ASTN2: variants seen among roughly 807,000 people sequenced by gnomAD.
ASTN2 encodes the protein astrotactin-2.
ASTN2 carries 54 observed loss-of-function variants against 139.8 expected under a neutral mutation model. The observed-to-expected ratio is 0.39, with a 90% CI of 0.31 to 0.48. ASTN2 has a LOEUF of 0.48. ASTN2 is among the 20% of genes least tolerant of loss of function. The pLI is 0.95. For synonymous variants in ASTN2, 756 were observed against 719.5 expected (o/e 1.05, Z -0.81); for missense variants, 1,565 against 1,725.1 (o/e 0.91, Z 1.64).
chr9:117,217,566 G>T (rs1832367532), intron 2 of ASTN2, among the ~76,000 whole-genome samples: 2 of 152,122 alleles, frequency 1.3e-5, no homozygotes, highest in South Asian at 4.1e-4. Flanking sequence ...ATTTTATCCA[G>T]GTTCTACTGC....
intron 10 of ASTN2, among the ~76,000 whole-genome samples, chr9:116,894,899 T>A (rs1435512355): frequency 6.6e-6 from 1 of 152,200 alleles, no homozygotes; most frequent in Non-Finnish European, 1.5e-5. Flanking sequence ...CCACAATAGA[T>A]ACTATGATGT....
intron 10 of ASTN2, among the ~76,000 whole-genome samples, chr9:116,877,739 C>CA (rs1454943847): frequency 1.3e-5 from 2 of 152,118 alleles, no homozygotes; most frequent in African/African-American, 2.4e-5. Context: ...TTCCCACCCC[C>CA]ACCATGCACA....
At chr9:116,664,967 T>G (rs980359273) in intron 16 of ASTN2, among the ~76,000 whole-genome samples, 2 of 152,260 alleles carry the variant, frequency 1.3e-5, no homozygotes, top group Middle Eastern at 3.4e-3. Context: ...CCCTCATCAA[T>G]GGCTTGGTGC....
intron 1 of ASTN2, among the ~76,000 whole-genome samples, chr9:117,308,980 G>C (rs888016243): frequency 2.6e-5 from 4 of 152,146 alleles, no homozygotes; most frequent in African/African-American, 9.7e-5. Context: ...CCTTCCATAA[G>C]TCAGCTTTTA....
chr9:117,157,052 G>A (rs560664301), intron 3 of ASTN2, among the ~76,000 whole-genome samples: 38 of 152,044 alleles, frequency 2.5e-4, no homozygotes, highest in South Asian at 4.1e-4. Context: ...GATCTGATTC[G>A]TTATCTAGCT....
chr9:116,440,837 A>C, intron 21 of ASTN2, 45 bp from the exon 22 acceptor site: 2 of 1,576,440 alleles, frequency 1.3e-6, no homozygotes, highest in Non-Finnish European at 1.7e-6. Flanking sequence ...GTGGTGAAAA[A>C]AAGTAAGGAT....
intron 20 of ASTN2, among the ~76,000 whole-genome samples, chr9:116,452,142 A>T (rs1259930587): frequency 6.6e-6 from 1 of 152,240 alleles, no homozygotes; most frequent in Non-Finnish European, 1.5e-5. Flanking sequence ...AAGTTAAGGA[A>T]TGAATTGAAC....
intron 1 of ASTN2, among the ~76,000 whole-genome samples, chr9:117,407,165 G>A (rs902841938): frequency 5.9e-5 from 9 of 152,148 alleles, no homozygotes; most frequent in Non-Finnish European, 1.0e-4. Flanking sequence ...CCCAGGGGAT[G>A]GTGAGGTAGA....
At chr9:117,307,787 A>T (rs1372659950) in intron 1 of ASTN2, among the ~76,000 whole-genome samples, 5 of 152,292 alleles carry the variant, frequency 3.3e-5, no homozygotes, top group Middle Eastern at 3.4e-3. Flanking sequence ...TACATAAATG[A>T]CATCAGGAAA....
intron 11 of ASTN2, among the ~76,000 whole-genome samples, chr9:116,836,610 T>A (rs1402673659): frequency 6.7e-6 from 1 of 149,450 alleles, no homozygotes; most frequent in Non-Finnish European, 1.5e-5. Flanking sequence ...TGTTTTGTTT[T>A]CCTTCACATG....
At chr9:116,755,460 CACAG>C (rs1250112371) in intron 13 of ASTN2, among the ~76,000 whole-genome samples, 2 of 152,154 alleles carry the variant, frequency 1.3e-5, no homozygotes, top group Non-Finnish European at 2.9e-5. Context: ...CAGGAATGTG[CACAG>C]ACAGAGGAAA....
intron 2 of ASTN2, among the ~76,000 whole-genome samples, chr9:117,231,152 CT>C (rs1451491492): frequency 6.6e-6 from 1 of 152,154 alleles, no homozygotes; most frequent in Admixed American, 6.5e-5. Context: ...TCTCATCTTC[CT>C]TGTCTGTGAA....
intron 19 of ASTN2, among the ~76,000 whole-genome samples, chr9:116,616,016 C>T (rs1208636919): frequency 6.6e-6 from 1 of 152,178 alleles, no homozygotes; most frequent in Non-Finnish European, 1.5e-5. Context: ...GATGTCTGCT[C>T]TTACCACTTC....
Position 117,098,397 on chromosome 9 carries a change from C to T in ASTN2, c.1169-2246G>A, listed in dbSNP as rs76027401. 3.5e-3 allele frequency among the ~76,000 whole-genome samples: 534 copies of T among 152,268 alleles called. 5 individuals carry two copies. Among genetic ancestry groups the T allele is most frequent in the Non-Finnish European group, 6.2e-3 (419 of 68,026 alleles). Reference sequence around the variant, plus strand: ...AAATTTCTAGCCACTTATGATGCTGCCTCTCAGTTTAAGGCTCTGTAAAAT... The same window carrying T: ...AAATTTCTAGCCACTTATGATGCTGTCTCTCAGTTTAAGGCTCTGTAAAAT... On this transcript the variant is annotated intron_variant, in intron 4 of 22. Transcript: ENST00000313400.
chr9:116,883,539 T>A (rs1326964585), intron 10 of ASTN2, among the ~76,000 whole-genome samples: 1 of 152,208 alleles, frequency 6.6e-6, no homozygotes, highest in Non-Finnish European at 1.5e-5. Flanking sequence ...ATTTTTGAGT[T>A]AAGGTGTCTT....
At chr9:117,302,251 G>T (rs1441574015) in intron 1 of ASTN2, among the ~76,000 whole-genome samples, 1 of 152,118 alleles carries the variant, frequency 6.6e-6, no homozygotes, top group Non-Finnish European at 1.5e-5. Flanking sequence ...CAACGATCTG[G>T]AATCATGGAA....
At position 117,377,297 on chromosome 9, in the gene ASTN2, T is replaced by C. The variant is rs144251449; in HGVS notation, c.442+37200A>G. ...GGAGGTTAACCAAGCCACCTCCCCA[T>C]TCTGCAAAGCCTTTTCTAAAACCCT... On this transcript the variant is annotated intron_variant, in intron 1 of 22. Coordinates refer to ENST00000313400, the MANE Select transcript of ASTN2 (RefSeq NM_001365068.1). Among the ~76,000 whole-genome samples the C allele has an allele frequency of 8.0e-3, 1,215 of 152,236 alleles. 20 individuals are homozygous for C. The highest frequency in any genetic ancestry group is 0.028 in the African/African-American group (1,148 of 41,496).
intron 17 of ASTN2, among the ~76,000 whole-genome samples, chr9:116,641,422 C>T (rs1857323589): frequency 6.6e-6 from 1 of 152,092 alleles, no homozygotes; most frequent in Non-Finnish European, 1.5e-5. Context: ...TTAGCTTCTC[C>T]ATGCCTCAGT....
At chr9:117,124,606 A>G (rs1184412157) in intron 4 of ASTN2, among the ~76,000 whole-genome samples, 1 of 152,188 alleles carries the variant, frequency 6.6e-6, no homozygotes, top group Non-Finnish European at 1.5e-5. Context: ...AAGTGAAGGA[A>G]AGGAGGCACT....
Sources: gnomAD v4.1 joint callset for allele counts (sites outside exome capture counted in the v4.1 genomes callset) on GRCh38, gnomAD v4.1.1 for gene constraint, MANE v1.5 for transcripts, NCBI Gene and HGNC (gene_info 2026-07-23, HGNC 2026-07-21) for gene names.